ATG13: variants seen among roughly 807,000 people sequenced by gnomAD.
ATG13 encodes the protein autophagy related 13.
ATG13 carries 23 observed loss-of-function variants against 65.5 expected under a neutral mutation model. The ratio of observed to expected loss-of-function variants is 0.35; its 90% CI spans 0.25 to 0.50. The LOEUF (loss-of-function observed/expected upper bound fraction) is 0.50. Ranked by LOEUF, ATG13 falls within the 20% of genes least tolerant of loss-of-function variation. ATG13 has a pLI of 0.98. For synonymous variants in ATG13, 252 were observed against 245.2 expected (o/e 1.03, Z -0.26); for missense variants, 566 against 677.0 (o/e 0.84, Z 1.82).
intron 7 of ATG13, among the ~76,000 whole-genome samples, chr11:46,652,044 T>A (rs2059008932): frequency 6.6e-6 from 1 of 151,982 alleles, no homozygotes; most frequent in Non-Finnish European, 1.5e-5. Flanking sequence ...GGTTAGGAGT[T>A]CGAGACAAGC....
intron 18 of ATG13, among the ~76,000 whole-genome samples, chr11:46,670,785 C>T (rs2063543123): frequency 6.6e-6 from 1 of 152,004 alleles, no homozygotes; most frequent in African/African-American, 2.4e-5. Flanking sequence ...TGCCTCTAGC[C>T]TAGGTGACAG....
rs781761735 is a variant in ATG13, at chr11:46,672,773, G to C, written c.*441G>C. ...AGAGATTGGTGTGGAGTCGCAGAAA[G>C]AGGAAGGAGACAGTGCCAGGAGGAA... On this transcript the variant is annotated 3_prime_UTR_variant, in exon 19 of 19. Coordinates refer to ENST00000683050, the MANE Select transcript of ATG13 (RefSeq NM_001346311.2). 7.4e-7 allele frequency: 1 copy of C among 1,349,570 alleles called. No homozygotes were observed. 83.6% of individuals were successfully genotyped at this position (1,349,570 alleles called of 1,614,324 possible).
chr11:46,661,245 C>T (rs982090731), intron 11 of ATG13, among the ~76,000 whole-genome samples: 4 of 152,158 alleles, frequency 2.6e-5, no homozygotes, highest in African/African-American at 9.7e-5. Context: ...CTGCCGGGCG[C>T]AGTGGCTCAC....
chr11:46,669,850 T>G (rs2063299138), intron 18 of ATG13, among the ~76,000 whole-genome samples: 1 of 152,150 alleles, frequency 6.6e-6, no homozygotes, highest in South Asian at 2.1e-4. Flanking sequence ...GCTATTTAGC[T>G]TTCCAGGCAG....
Position 46,664,069 on chromosome 11 carries a change from A to G in ATG13, c.862A>G (p.Met288Val), listed in dbSNP as rs2061761125. ...GGTGACGGACACCCTGAGGGTCCCC[A>G]TGGCAGGACTGGCCTTTTCCCATCA... ...PVVTDTLRVP[M>V]AGLAFSHQLS... Residue 288 changes from methionine (M) to valine (V), a missense_variant, in exon 12 of 19, where the codon ATG (methionine) becomes GTG (valine). Met to Val is a conservative substitution (Grantham distance 21). Around this residue, in one of 2 missense-constraint regions of ATG13, gnomAD observed 387 missense variants for 409.8 expected, o/e 0.94. Coordinates refer to ENST00000683050, the MANE Select transcript of ATG13 (RefSeq NM_001346311.2). The G allele has an allele frequency of 5.6e-6, 9 of 1,596,344 alleles. No homozygotes were observed. Among genetic ancestry groups the G allele is most frequent in the Non-Finnish European group, 7.6e-6 (9 of 1,179,398 alleles).
intron 7 of ATG13, among the ~76,000 whole-genome samples, chr11:46,654,665 T>C (rs1030788393): frequency 1.1e-4 from 16 of 151,784 alleles, no homozygotes; most frequent in Non-Finnish European, 2.9e-5. Context: ...GAGGCTGCAG[T>C]GGGCAGTGGT....
chr11:46,642,331 A>C (rs1289285441), intron 2 of ATG13, among the ~76,000 whole-genome samples: 3 of 94,744 alleles, frequency 3.2e-5, no homozygotes, highest in African/African-American at 1.2e-4. Flanking sequence ...TTTTGGATGG[A>C]ATCTCACTCT....
intron 1 of ATG13, 148 bp downstream of exon 1, chr11:46,618,038 A>G: frequency 2.5e-6 from 1 of 396,360 alleles, no homozygotes; most frequent in South Asian, 1.4e-4. Flanking sequence ...TTCTGTGGGA[A>G]GTTGAGTTGG....
chr11:46,622,269 T>C (rs987038968), intron 1 of ATG13, among the ~76,000 whole-genome samples: 3 of 151,118 alleles, frequency 2.0e-5, no homozygotes, highest in Admixed American at 6.6e-5. Flanking sequence ...AGGCGCCCAC[T>C]ACCATGCCTG....
chr11:46,635,384 A>G (rs2053600515), intron 2 of ATG13, among the ~76,000 whole-genome samples: 1 of 152,220 alleles, frequency 6.6e-6, no homozygotes, highest in South Asian at 2.1e-4. Flanking sequence ...TGATAAATAT[A>G]TACATTGTGT....
At chr11:46,663,472 G>A (rs953477126) in intron 11 of ATG13, among the ~76,000 whole-genome samples, 7 of 152,148 alleles carry the variant, frequency 4.6e-5, no homozygotes, top group South Asian at 4.2e-4. Flanking sequence ...CTGGAATGAC[G>A]TAGGAAGCAT....
chr11:46,648,482 T>C (rs930926971), intron 5 of ATG13, among the ~76,000 whole-genome samples: 2 of 151,330 alleles, frequency 1.3e-5, no homozygotes, highest in Admixed American at 1.3e-4. Context: ...CAAAAAAGAA[T>C]AAAGAAACAA....
intron 7 of ATG13, among the ~76,000 whole-genome samples, chr11:46,652,180 G>A (rs1323705095): frequency 6.6e-5 from 10 of 152,004 alleles, no homozygotes; most frequent in Non-Finnish European, 2.9e-5. Context: ...CCCAGGAGGC[G>A]GAGGTTGCAG....
rs1591486507 is a variant in ATG13, at chr11:46,626,865, A to C, written c.-69-3180A>C. Among the ~76,000 whole-genome samples the C allele has an allele frequency of 2.0e-5, 3 of 152,202 alleles. No individual in the cohort carries two copies. The South Asian group carries it at 6.2e-4, about 31-fold the overall frequency. On this transcript the variant is annotated intron_variant, in intron 1 of 18. Transcript: ENST00000683050. ...TTATTGCACAGCTCCCTTTGAAACCACAGTGTTAGGAGGAAGGTGTAAACA... is the reference window on the plus strand; with the variant it reads ...TTATTGCACAGCTCCCTTTGAAACCCCAGTGTTAGGAGGAAGGTGTAAACA...
chr11:46,623,116 GTC>G (rs2048311309), intron 1 of ATG13, among the ~76,000 whole-genome samples: 1 of 151,710 alleles, frequency 6.6e-6, no homozygotes, highest in Admixed American at 6.6e-5. Flanking sequence ...GTGAAACCCT[GTC>G]TCTACTAAAA....
chr11:46,653,241 T>G (rs1228458874), intron 7 of ATG13, among the ~76,000 whole-genome samples: 1 of 151,542 alleles, frequency 6.6e-6, no homozygotes, highest in African/African-American at 2.4e-5. Context: ...GGCACGATTT[T>G]GGCTCACTGC....
At chr11:46,655,138 G>A (rs1027067885) in intron 7 of ATG13, among the ~76,000 whole-genome samples, 15 of 149,050 alleles carry the variant, frequency 1.0e-4, no homozygotes, top group African/African-American at 3.2e-4. Context: ...AGTGGCTCAC[G>A]CCTGTAATCC....
chr11:46,642,610 C>A (rs2056426811), intron 2 of ATG13, among the ~76,000 whole-genome samples: 1 of 152,168 alleles, frequency 6.6e-6, no homozygotes, highest in African/African-American at 2.4e-5. Context: ...TGGCCTTCAG[C>A]TTTTCCTTTA....
At chr11:46,633,794 GTGT>G (rs1180533000) in intron 2 of ATG13, among the ~76,000 whole-genome samples, 1 of 152,124 alleles carries the variant, frequency 6.6e-6, no homozygotes, top group Admixed American at 6.6e-5. Flanking sequence ...CTGGGTAACG[GTGT>G]GAGACCCTGT....
Sources: allele counts gnomAD v4.1 joint callset (sites outside exome capture counted in the v4.1 genomes callset), GRCh38; gene constraint gnomAD v4.1.1; regional missense constraint gnomAD v4.1.1; transcripts MANE v1.5; gene names NCBI Gene and HGNC (gene_info 2026-07-23, HGNC 2026-07-21).